The following TFEC variants were observed in gnomAD, a reference collection of about 807,000 sequenced individuals.
The protein encoded by TFEC is transcription factor EC.
A neutral mutation model predicts 41.6 loss-of-function variants in TFEC; 31 were observed. The ratio of observed to expected loss-of-function variants is 0.74; its 90% CI spans 0.56 to 1.01. The LOEUF (loss-of-function observed/expected upper bound fraction) is 1.01. Ranked by LOEUF, TFEC falls within the 50% of genes least tolerant of loss-of-function variation. The pLI, the probability that TFEC is intolerant of heterozygous loss-of-function variation, is 0.00. For missense variants in TFEC, 402 were observed against 404.1 expected, an observed-to-expected ratio of 0.99 and a Z score of 0.04; for synonymous variants, 143 against 140.6, an observed-to-expected ratio of 1.02 and a Z score of -0.12.
intron 3 of TFEC, among the ~76,000 whole-genome samples, chr7:116,057,563 A>T (rs751127018): frequency 1.3e-5 from 2 of 151,966 alleles, no homozygotes; most frequent in Non-Finnish European, 2.9e-5. Flanking sequence ...ATAAAAAGAA[A>T]TGAAAAGACT....
At chr7:115,981,597 A>C (rs915908464) in intron 2 of TFEC, among the ~76,000 whole-genome samples, 1 of 152,224 alleles carries the variant, frequency 6.6e-6, no homozygotes, top group Non-Finnish European at 1.5e-5. Context: ...TAACAGACTA[A>C]AAGATAAGAA....
rs1375763086 is a variant in TFEC, at chr7:116,088,663, G to A, written c.198+22045C>T. Among the ~76,000 whole-genome samples the A allele has an allele frequency of 4.0e-5, 6 of 151,888 alleles. No individual in the cohort carries two copies. The East Asian group carries it at 1.2e-3, about 29-fold the overall frequency. On this transcript the variant is annotated intron_variant, in intron 3 of 8. Coordinates refer to the TFEC transcript ENST00000484212. ...TTTATATAAGCTAATGTTAAATTAT[G>A]TCTACCCATTTTTGTACTTATGATT... is the stretch of plus-strand genomic sequence containing the variant.
At chr7:115,981,567 T>C (rs564937118) in intron 2 of TFEC, among the ~76,000 whole-genome samples, 36 of 152,276 alleles carry the variant, frequency 2.4e-4, no homozygotes, top group African/African-American at 8.7e-4. Flanking sequence ...GAATAAGGTA[T>C]TGTATTTTCA....
chr7:115,950,733 A>C (rs1791890833), intron 6 of TFEC, 141 bp downstream of exon 6: 1 of 561,628 alleles, frequency 1.8e-6, no homozygotes, highest in South Asian at 3.2e-5. Context: ...AGACATTTTA[A>C]AATGAGCCCA....
At chr7:116,021,708 T>A (rs991546371) in intron 1 of TFEC, among the ~76,000 whole-genome samples, 2 of 152,190 alleles carry the variant, frequency 1.3e-5, no homozygotes, top group African/African-American at 4.8e-5. Flanking sequence ...GGCAAGCCAG[T>A]CAAATAAGCA....
intron 3 of TFEC, among the ~76,000 whole-genome samples, chr7:116,071,004 C>G (rs561386847): frequency 6.6e-6 from 1 of 151,424 alleles, no homozygotes; most frequent in Non-Finnish European, 1.5e-5. Flanking sequence ...TTATAACCAT[C>G]TGTGCTCTCT....
chr7:116,045,006 G>A (rs1796130313), intron 3 of TFEC, among the ~76,000 whole-genome samples: 1 of 152,198 alleles, frequency 6.6e-6, no homozygotes, highest in Non-Finnish European at 1.5e-5. Context: ...AAAACTGGCA[G>A]CCTATAAACT....
At chr7:116,008,926 A>G (rs1223087730) in intron 1 of TFEC, among the ~76,000 whole-genome samples, 1 of 152,304 alleles carries the variant, frequency 6.6e-6, no homozygotes, top group Non-Finnish European at 1.5e-5. Flanking sequence ...TTCAGTCCCA[A>G]TCATTTGAAT....
At chr7:116,025,922 T>C (rs1385156582) in intron 1 of TFEC, among the ~76,000 whole-genome samples, 1 of 152,226 alleles carries the variant, frequency 6.6e-6, no homozygotes, top group Non-Finnish European at 1.5e-5. Flanking sequence ...CATACAGTCA[T>C]TTTTGCTCTC....
intron 5 of TFEC, among the ~76,000 whole-genome samples, chr7:115,952,222 T>C (rs1236507954): frequency 6.6e-6 from 1 of 152,026 alleles, no homozygotes; most frequent in African/African-American, 2.4e-5. Context: ...GGTAAGAGTT[T>C]ATTTTCCCTC....
intron 1 of TFEC, among the ~76,000 whole-genome samples, chr7:116,023,447 T>C (rs1004941110): frequency 6.6e-6 from 1 of 152,200 alleles, no homozygotes; most frequent in African/African-American, 2.4e-5. Context: ...CAAACTGATT[T>C]CATAGTGTTT....
chr7:115,974,405 A>ATTATATAT (rs1793277249), intron 2 of TFEC, 149 bp from the exon 3 acceptor site: 1 of 68,338 alleles, frequency 1.5e-5, no homozygotes, highest in African/African-American at 5.1e-5. Context: ...AAACCTCAAT[A>ATTATATAT]TTATATATAT....
chr7:116,152,511 G>A (rs2116471874), intron 1 of TFEC, among the ~76,000 whole-genome samples: 1 of 152,284 alleles, frequency 6.6e-6, no homozygotes, highest in South Asian at 2.1e-4. Flanking sequence ...ATGTGTGTAA[G>A]CAAACTACAT....
At chr7:116,014,714 C>A (rs553328082) in intron 1 of TFEC, among the ~76,000 whole-genome samples, 1 of 152,088 alleles carries the variant, frequency 6.6e-6, no homozygotes, top group Non-Finnish European at 1.5e-5. Context: ...AAGTTGCAGA[C>A]CTTGAGATGG....
intron 1 of TFEC, among the ~76,000 whole-genome samples, chr7:116,127,192 T>C (rs1168784317): frequency 6.6e-6 from 1 of 151,798 alleles, no homozygotes; most frequent in East Asian, 1.9e-4. Flanking sequence ...GCCTCCTGGG[T>C]TCACGCCATT....
chr7:116,130,647 T>C (rs1798314061), intron 1 of TFEC, among the ~76,000 whole-genome samples: 1 of 152,154 alleles, frequency 6.6e-6, no homozygotes, highest in African/African-American at 2.4e-5. Flanking sequence ...CAGTTTCCCT[T>C]TGTTGTCCAG....
chr7:116,113,112 CT>C (rs1797894223), intron 1 of TFEC, among the ~76,000 whole-genome samples: 1 of 151,912 alleles, frequency 6.6e-6, no homozygotes, highest in African/African-American at 2.4e-5. Flanking sequence ...CTTCCTCTTA[CT>C]TTAATGATTT....
At chr7:115,992,673 A>T (rs1319888218) in intron 1 of TFEC, among the ~76,000 whole-genome samples, 1 of 152,210 alleles carries the variant, frequency 6.6e-6, no homozygotes, top group African/African-American at 2.4e-5. Context: ...GAATCCCTGA[A>T]TAGGCCAATA....
chr7:116,081,015 G>A (rs927887062), intron 3 of TFEC, among the ~76,000 whole-genome samples: 3 of 147,680 alleles, frequency 2.0e-5, no homozygotes, highest in Non-Finnish European at 3.0e-5. Context: ...GTGTGTGTGT[G>A]TATAAATATA....
Sources: gnomAD v4.1 joint callset for allele counts (sites outside exome capture counted in the v4.1 genomes callset) on GRCh38, gnomAD v4.1.1 for gene constraint, MANE v1.5 for transcripts, NCBI Gene and HGNC (gene_info 2026-07-23, HGNC 2026-07-21) for gene names.